MAPK10: variants seen among roughly 807,000 people sequenced by gnomAD.
MAPK10 encodes JNK3 alpha protein kinase.
A neutral mutation model predicts 59.3 loss-of-function variants in MAPK10; 25 were observed. That is an observed-to-expected ratio of 0.42 (90% CI 0.31 to 0.59). The LOEUF (loss-of-function observed/expected upper bound fraction) is 0.59. Ranked by LOEUF, MAPK10 falls within the 20% of genes least tolerant of loss-of-function variation. The pLI is 0.15. For synonymous variants in MAPK10, 190 were observed against 200.5 expected, an observed-to-expected ratio of 0.95 and a Z score of 0.44; for missense variants, 351 against 568.9, an observed-to-expected ratio of 0.62 and a Z score of 3.90.
intron 3 of MAPK10, among the ~76,000 whole-genome samples, chr4:86,184,627 G>T (rs2149291907): frequency 6.6e-6 from 1 of 152,222 alleles, no homozygotes; most frequent in South Asian, 2.1e-4. Flanking sequence ...GCTTGGTGTT[G>T]TCCTCACTAC....
At chr4:86,473,607 A>G (rs1015841650) in intron 1 of MAPK10, among the ~76,000 whole-genome samples, 1 of 152,180 alleles carries the variant, frequency 6.6e-6, no homozygotes, top group African/African-American at 2.4e-5. Context: ...TATTCCAGCA[A>G]ATTCACCAAC....
chr4:86,569,502 G>A (rs892877373), intron 1 of MAPK10, among the ~76,000 whole-genome samples: 10 of 151,992 alleles, frequency 6.6e-5, no homozygotes, highest in Admixed American at 3.3e-4. Context: ...AGCTGCACTC[G>A]TATGCTTATC....
intron 1 of MAPK10, among the ~76,000 whole-genome samples, chr4:86,546,831 T>C (rs143065256): frequency 0.047 from 7,126 of 151,842 alleles, 221 homozygotes; most frequent in African/African-American, 0.059. Flanking sequence ...CCGAGGCGGG[T>C]GGATCACGAG....
At chr4:86,453,211 C>T (rs2149056722), upstream of MAPK10, 1 of 152,460 alleles carries the variant, frequency 6.6e-6, no homozygotes, top group South Asian at 2.1e-4. Context: ...TCCAGCTGAA[C>T]TTTGTAACAA....
chr4:86,092,676 G>T (rs955912733), intron 9 of MAPK10, among the ~76,000 whole-genome samples: 2 of 151,752 alleles, frequency 1.3e-5, no homozygotes, highest in African/African-American at 2.4e-5. Flanking sequence ...TTATGAAATT[G>T]TCAGGTATTA....
intron 11 of MAPK10, among the ~76,000 whole-genome samples, chr4:86,035,571 TAAA>T (rs559329707): frequency 2.1e-5 from 3 of 140,732 alleles, no homozygotes; most frequent in Non-Finnish European, 1.6e-5. Context: ...TGACTGCGGT[TAAA>T]AAAAAAAAAA....
intron 11 of MAPK10, among the ~76,000 whole-genome samples, chr4:86,043,257 A>T (rs2041915674): frequency 6.6e-6 from 1 of 152,198 alleles, no homozygotes; most frequent in South Asian, 2.1e-4. Flanking sequence ...CTAAGGGAAG[A>T]GAGAACAACC....
chr4:86,593,185 G>A lies in MAPK10; in HGVS notation c.-263+725C>T, dbSNP rs567296931. Among the ~76,000 whole-genome samples the A allele has an allele frequency of 1.3e-4, 20 of 152,250 alleles. No individual in the cohort carries two copies. In the East Asian group the frequency reaches 3.7e-3, roughly 28 times the overall value. On this transcript the variant is annotated intron_variant, in intron 1 of 4. Transcript: ENST00000502302. ...CATCATACATGTATGGCAGCCTCAG[G>A]GGCTAGGGAACCTAGGATTGCTGCT...
At chr4:86,329,164 A>G (rs1564428647) in intron 2 of MAPK10, among the ~76,000 whole-genome samples, 1 of 152,186 alleles carries the variant, frequency 6.6e-6, no homozygotes, top group Non-Finnish European at 1.5e-5. Context: ...GAACTGTGAA[A>G]AAATAAACTT....
intron 11 of MAPK10, among the ~76,000 whole-genome samples, chr4:86,036,904 T>C (rs189969099): frequency 2.0e-4 from 30 of 152,346 alleles, no homozygotes; most frequent in South Asian, 2.1e-4. Flanking sequence ...GTTAGAGATC[T>C]AAGGTATACA....
At chr4:86,460,537 C>T (rs1057175514) in intron 1 of MAPK10, among the ~76,000 whole-genome samples, 3 of 152,188 alleles carry the variant, frequency 2.0e-5, no homozygotes, top group East Asian at 1.9e-4. Flanking sequence ...TGGGAACAGG[C>T]CCCCAAATCT....
chr4:86,431,573 G>T (rs1748048672), intron 1 of MAPK10, among the ~76,000 whole-genome samples: 1 of 152,132 alleles, frequency 6.6e-6, no homozygotes, highest in Non-Finnish European at 1.5e-5. Flanking sequence ...AGTGTTGCAG[G>T]TATCAACTAA....
rs368585762 is a variant in MAPK10 at position 86,286,402 on chromosome 4, G to A, written c.-7+68128C>T. Among the ~76,000 whole-genome samples, 22 of 152,098 alleles carry A rather than the reference G, an allele frequency of 1.4e-4. No individual in the cohort carries two copies. In the South Asian group the frequency reaches 3.1e-3, roughly 22 times the overall value. On this transcript the variant is annotated intron_variant, in intron 2 of 13. Transcript: ENST00000641462. The stretch of plus-strand genomic sequence containing the variant: ...TCCCATCACTACCCAGAGAACCAGC[G>A]TTACTGAATAGTAATGATAATAATA...
chr4:86,038,410 T>C (rs902599707), intron 11 of MAPK10, among the ~76,000 whole-genome samples: 2 of 152,230 alleles, frequency 1.3e-5, no homozygotes, highest in African/African-American at 4.8e-5. Context: ...TAGATGATTG[T>C]CAAAAGATGC....
At chr4:86,208,238 A>T (rs2084724858) in intron 2 of MAPK10, among the ~76,000 whole-genome samples, 1 of 151,846 alleles carries the variant, frequency 6.6e-6, no homozygotes, top group Non-Finnish European at 1.5e-5. Flanking sequence ...AACTCATTTT[A>T]TGAAGCCAGC....
chr4:86,327,223 C>G (rs539277610), intron 2 of MAPK10: 1 of 151,700 alleles, frequency 6.6e-6, no homozygotes, highest in Non-Finnish European at 1.5e-5. Flanking sequence ...TATCCCCCTA[C>G]CTTACCCTCC....
intron 3 of MAPK10, chr4:86,160,666 C>A (rs1299378934): frequency 6.9e-6 from 1 of 145,454 alleles, no homozygotes; most frequent in African/African-American, 2.5e-5. Context: ...TTCTCACATA[C>A]CTCACAACTT....
intron 2 of MAPK10, among the ~76,000 whole-genome samples, chr4:86,328,192 G>T (rs113613603): frequency 3.4e-4 from 51 of 152,080 alleles, no homozygotes; most frequent in African/African-American, 1.1e-3. Context: ...AGTGGCAAAG[G>T]ATATGAACAG....
intron 2 of MAPK10, among the ~76,000 whole-genome samples, chr4:86,348,757 T>A (rs1178439724): frequency 6.6e-6 from 1 of 152,176 alleles, no homozygotes; most frequent in Non-Finnish European, 1.5e-5. Flanking sequence ...CAATCCTGCA[T>A]CCTCTAGCCT....
Sources: allele counts gnomAD v4.1 joint callset (sites outside exome capture counted in the v4.1 genomes callset), GRCh38; gene constraint gnomAD v4.1.1; transcripts MANE v1.5; gene names NCBI Gene and HGNC (gene_info 2026-07-23, HGNC 2026-07-21).